MZT2B: variants seen among roughly 807,000 people sequenced by gnomAD.
The protein encoded by MZT2B is mitotic-spindle organizing protein 2B.
In MZT2B, 11 loss-of-function variants were observed where a neutral mutation model predicts 12.1. The ratio of observed to expected loss-of-function variants is 0.91; its 90% confidence interval spans 0.57 to 1.50. The LOEUF is 1.50. Among genes scored for constraint, MZT2B ranks in the 40% most tolerant of loss-of-function variants. MZT2B has a pLI of 0.00. For synonymous variants in MZT2B, 85 were observed against 109.5 expected, an observed-to-expected ratio of 0.78 and a Z score of 1.40; for missense variants, 209 against 227.7, an observed-to-expected ratio of 0.92 and a Z score of 0.53.
chr2:130,182,518 C>G (rs1353963481), intron 1 of MZT2B, 66 bp downstream of exon 1: 6 of 1,543,682 alleles, frequency 3.9e-6, no homozygotes, highest in Middle Eastern at 2.3e-4. Context: ...TCCGGGTACG[C>G]CCGGCCCGCT....
downstream of MZT2B, among the ~76,000 whole-genome samples, chr2:130,193,600 C>G (rs1211090805): frequency 1.6e-5 from 2 of 121,692 alleles, no homozygotes; most frequent in Non-Finnish European, 3.3e-5. Context: ...CAGAGCAAGA[C>G]TGTCTCAAAA....
upstream of MZT2B, chr2:130,182,170 C>A: frequency 7.9e-7 from 1 of 1,267,770 alleles, no homozygotes; most frequent in Non-Finnish European, 9.9e-7. Context: ...GCTCCCGCCC[C>A]TCCCGCCAGG....
At chr2:130,182,213 G>T, upstream of MZT2B, 4 of 1,237,320 alleles carry the variant, frequency 3.2e-6, no homozygotes, top group Non-Finnish European at 4.0e-6. Flanking sequence ...GACGCTGCAG[G>T]GAGAGGGTGG....
the MZT2B span, among the ~76,000 whole-genome samples, chr2:130,201,836 A>T: frequency 1.6e-4 from 25 of 152,302 alleles, no homozygotes; most frequent in African/African-American, 2.6e-4. Context: ...TATAGCATAT[A>T]GCCCCTTGGC....
chr2:130,195,042 T>A, downstream of MZT2B: 3 of 1,609,516 alleles, frequency 1.9e-6, no homozygotes, highest in Non-Finnish European at 2.5e-6. Context: ...ACCCCTCCCA[T>A]GCAAGACAAT....
intron 2 of MZT2B, chr2:130,183,788 G>A: frequency 6.4e-7 from 1 of 1,550,666 alleles, no homozygotes; most frequent in East Asian, 2.4e-5. Context: ...GACCTCCAGA[G>A]GCCTCCTTTC....
rs562728106 is a variant in MZT2B at position 130,189,781 on chromosome 2, C to G, written c.320-688C>G. Reference sequence around the variant, plus strand: ...AGAGTAAAGTAAGCAAATTACAAATCAAAGAAACTCTGAACCAGTGGTCTT... The same window carrying G: ...AGAGTAAAGTAAGCAAATTACAAATGAAAGAAACTCTGAACCAGTGGTCTT... On this transcript the variant is annotated intron_variant, in intron 2 of 2. Transcript: ENST00000281871. Among the ~76,000 whole-genome samples, 8 of 152,322 alleles carry G rather than the reference C, an allele frequency of 5.3e-5. No individual in the cohort carries two copies. The East Asian group carries it at 1.4e-3, about 26-fold the overall frequency.
chr2:130,201,341 A>G, the MZT2B span, among the ~76,000 whole-genome samples: 1 of 152,054 alleles, frequency 6.6e-6, no homozygotes, highest in African/African-American at 2.4e-5. Context: ...GCAGGGTTTT[A>G]TTTTCTCACA....
At chr2:130,196,088 G>A in the MZT2B span, 1 of 1,464,352 alleles carries the variant, frequency 6.8e-7, no homozygotes, top group South Asian at 1.3e-5. Flanking sequence ...GCCCACACGG[G>A]GCTTTACCAA....
rs768500102 is a variant in MZT2B at position 130,183,994 on chromosome 2, G to A, written c.319+1219G>A. On this transcript the variant is annotated intron_variant, in intron 2 of 2. Coordinates refer to ENST00000281871, the MANE Select transcript of MZT2B (RefSeq NM_025029.5). The stretch of plus-strand genomic sequence containing the variant: ...TGCGTTTATTGGCTTATCTCTGGGG[G>A]TTGGTGCTCTCCCTTGTTTCCATGG... 51 of 1,550,380 alleles carry A rather than the reference G, an allele frequency of 3.3e-5. 1 individual carries two copies. The highest frequency in any genetic ancestry group is 1.7e-4 in the Middle Eastern group (1 of 6,014).
intron 2 of MZT2B, chr2:130,182,993 G>A (rs901245864): frequency 3.6e-6 from 3 of 843,414 alleles, no homozygotes; most frequent in African/African-American, 1.7e-5. Flanking sequence ...CGTACCCCAG[G>A]GTGGTCCAGG....
intron 2 of MZT2B, among the ~76,000 whole-genome samples, chr2:130,187,204 T>A (rs1453765778): frequency 1.3e-5 from 2 of 152,116 alleles, no homozygotes; most frequent in Non-Finnish European, 2.9e-5. Context: ...TTTATTTATT[T>A]ATTTTTGAGA....
chr2:130,194,060 G>A (rs768297311), downstream of MZT2B: 14 of 1,614,184 alleles, frequency 8.7e-6, no homozygotes, highest in African/African-American at 5.3e-5. Context: ...GCGGGGGTAC[G>A]GCACGAGGTT....
intron 2 of MZT2B, among the ~76,000 whole-genome samples, chr2:130,189,174 C>T (rs1157876767): frequency 6.6e-6 from 1 of 152,126 alleles, no homozygotes. Context: ...GAGGGGGCTG[C>T]AGTGTACCCT....
At chr2:130,194,418 C>A, downstream of MZT2B, 1 of 1,603,834 alleles carries the variant, frequency 6.2e-7, no homozygotes, top group Non-Finnish European at 8.5e-7. Flanking sequence ...GTGCCGCCCC[C>A]AAAGCTGTGG....
the MZT2B span, among the ~76,000 whole-genome samples, chr2:130,197,171 C>A: frequency 6.6e-6 from 1 of 152,200 alleles, no homozygotes; most frequent in African/African-American, 2.4e-5. Context: ...TGCTGGGACA[C>A]TGCACTGTCC....
downstream of MZT2B, among the ~76,000 whole-genome samples, chr2:130,195,461 C>T (rs372911800): frequency 1.3e-5 from 2 of 152,224 alleles, no homozygotes; most frequent in Non-Finnish European, 2.9e-5. Context: ...AATGTCAGCA[C>T]GACCAGTTCC....
chr2:130,198,981 C>CG, the MZT2B span, among the ~76,000 whole-genome samples: 29 of 124,184 alleles, frequency 2.3e-4, 7 homozygotes, highest in Admixed American at 1.8e-4. Context: ...GAGGCCGAGG[C>CG]GGGTGGATCA....
intron 2 of MZT2B, chr2:130,184,057 C>G: frequency 1.3e-6 from 2 of 1,550,126 alleles, no homozygotes; most frequent in Non-Finnish European, 1.7e-6. Flanking sequence ...CAGCTTTGAG[C>G]TCCAAGGGCA....
Sources: gnomAD v4.1 joint callset for allele counts (sites outside exome capture counted in the v4.1 genomes callset) on GRCh38, gnomAD v4.1.1 for gene constraint, MANE v1.5 for transcripts, NCBI Gene and HGNC (gene_info 2026-07-23, HGNC 2026-07-21) for gene names.